Variants in GALNTL6 observed in about 807,000 individuals in gnomAD.
GALNTL6 encodes polypeptide N-acetylgalactosaminyltransferase-like 6.
Under a neutral mutation model 73.7 loss-of-function variants are expected in GALNTL6, and 46 were observed. That is an observed-to-expected ratio of 0.62 (90% CI 0.49 to 0.80). GALNTL6 has a LOEUF of 0.80. GALNTL6 is among the 30% of genes least tolerant of loss of function. GALNTL6 has a pLI of 0.00. For missense variants in GALNTL6, 604 were observed against 755.0 expected, an observed-to-expected ratio of 0.80 and a Z score of 2.34; for synonymous variants, 259 against 263.7, an observed-to-expected ratio of 0.98 and a Z score of 0.17.
intron 5 of GALNTL6, among the ~76,000 whole-genome samples, chr4:172,435,683 G>A: frequency 6.6e-6 from 1 of 152,110 alleles, no homozygotes; most frequent in Non-Finnish European, 1.5e-5. Flanking sequence ...CATAATTATT[G>A]TTTTCATTTT....
chr4:172,337,963 C>T (rs1488870882), intron 4 of GALNTL6, among the ~76,000 whole-genome samples: 3 of 151,640 alleles, frequency 2.0e-5, no homozygotes, highest in Non-Finnish European at 2.9e-5. Flanking sequence ...AGACTTAATT[C>T]ATTTTCTAAT....
chr4:172,582,760 AC>A, intron 5 of GALNTL6, among the ~76,000 whole-genome samples: 1 of 151,964 alleles, frequency 6.6e-6, no homozygotes, highest in South Asian at 2.1e-4. Context: ...ACACACACAC[AC>A]ACACACACAC....
At chr4:172,271,462 G>A (rs1238745100) in intron 3 of GALNTL6, among the ~76,000 whole-genome samples, 5 of 151,912 alleles carry the variant, frequency 3.3e-5, no homozygotes. Context: ...TATATAGTTT[G>A]ATCTTTGCCT....
At chr4:172,056,033 A>G (rs1312164437) in intron 2 of GALNTL6, among the ~76,000 whole-genome samples, 1 of 152,204 alleles carries the variant, frequency 6.6e-6, no homozygotes, top group Non-Finnish European at 1.5e-5. Flanking sequence ...TATTTGGGAA[A>G]CCAAATATTC....
intron 8 of GALNTL6, among the ~76,000 whole-genome samples, chr4:172,915,940 C>G (rs1747482635): frequency 6.6e-6 from 1 of 151,922 alleles, no homozygotes; most frequent in South Asian, 2.1e-4. Flanking sequence ...AGAGACACAA[C>G]AAAAAAAGAG....
intron 7 of GALNTL6, among the ~76,000 whole-genome samples, chr4:172,851,852 A>G (rs565363119): frequency 6.6e-6 from 1 of 152,104 alleles, no homozygotes; most frequent in Non-Finnish European, 1.5e-5. Flanking sequence ...AAGTAGCCCC[A>G]ATATTTAAGG....
intron 5 of GALNTL6, among the ~76,000 whole-genome samples, chr4:172,593,886 C>A (rs960096663): frequency 6.6e-6 from 1 of 152,104 alleles, no homozygotes; most frequent in Non-Finnish European, 1.5e-5. Flanking sequence ...TGTGCCACCA[C>A]ACCCAGCTAA....
At chr4:172,913,115 G>C (rs1043895287) in intron 8 of GALNTL6, among the ~76,000 whole-genome samples, 3 of 152,154 alleles carry the variant, frequency 2.0e-5, no homozygotes, top group African/African-American at 7.2e-5. Context: ...GTCTGGAGTG[G>C]ACCTCCAGCA....
At chr4:172,429,704 C>T (rs1731368697) in intron 5 of GALNTL6, among the ~76,000 whole-genome samples, 1 of 152,014 alleles carries the variant, frequency 6.6e-6, no homozygotes, top group Non-Finnish European at 1.5e-5. Flanking sequence ...TAGGCTTTCA[C>T]CTTAGTCTTA....
intron 2 of GALNTL6, among the ~76,000 whole-genome samples, chr4:171,884,912 C>G (rs1215981950): frequency 2.6e-5 from 4 of 151,886 alleles, no homozygotes; most frequent in Non-Finnish European, 5.9e-5. Context: ...AAAAAATTAG[C>G]TGAGTGTGGT....
chr4:172,048,051 A>G (rs868048880), intron 2 of GALNTL6, among the ~76,000 whole-genome samples: 2 of 152,130 alleles, frequency 1.3e-5, no homozygotes, highest in Non-Finnish European at 2.9e-5. Context: ...CAAAGACAGG[A>G]ACCTTGTTTA....
rs142141272 is a variant in GALNTL6 at position 172,970,219 on chromosome 4, G to C, written c.1371+17961G>C. 3.9e-3 allele frequency among the ~76,000 whole-genome samples: 596 copies of C among 152,232 alleles called. 3 individuals are homozygous for C. The highest frequency in any genetic ancestry group is 0.014 in the African/African-American group (569 of 41,534). The stretch of plus-strand genomic sequence containing the variant: ...GGGCAAAACTAGAATTACTGATGAG[G>C]GTCTATGTTCAGCTGTGCATGTATT... On this transcript the variant is annotated intron_variant, in intron 10 of 12. Coordinates refer to ENST00000506823, the MANE Select transcript of GALNTL6 (RefSeq NM_001034845.3).
At chr4:172,058,919 T>G (rs1051670380) in intron 2 of GALNTL6, among the ~76,000 whole-genome samples, 2 of 152,188 alleles carry the variant, frequency 1.3e-5, no homozygotes, top group South Asian at 4.1e-4. Flanking sequence ...TTTACTATTT[T>G]TACATCCCAG....
At chr4:172,237,883 G>T (rs111707947) in intron 3 of GALNTL6, among the ~76,000 whole-genome samples, 3 of 152,184 alleles carry the variant, frequency 2.0e-5, no homozygotes, top group African/African-American at 7.2e-5. Context: ...CTTTGTCAAA[G>T]ATCAGGTGGT....
intron 2 of GALNTL6, among the ~76,000 whole-genome samples, chr4:172,182,364 G>A (rs575118442): frequency 1.3e-5 from 2 of 152,184 alleles, no homozygotes; most frequent in Admixed American, 6.5e-5. Flanking sequence ...GAAACTATGA[G>A]GTACAGAACA....
intron 12 of GALNTL6, among the ~76,000 whole-genome samples, chr4:173,035,610 A>G (rs527965120): frequency 1.3e-5 from 2 of 152,338 alleles, no homozygotes; most frequent in South Asian, 4.1e-4. Flanking sequence ...ATATTTGTCA[A>G]ACTCAACTGA....
At chr4:171,995,291 T>A (rs1740453770) in intron 2 of GALNTL6, among the ~76,000 whole-genome samples, 1 of 152,092 alleles carries the variant, frequency 6.6e-6, no homozygotes, top group South Asian at 2.1e-4. Flanking sequence ...GGATGAAAAC[T>A]TTACATTTTA....
At chr4:172,426,353 TA>T (rs1208268531) in intron 5 of GALNTL6, among the ~76,000 whole-genome samples, 2 of 152,172 alleles carry the variant, frequency 1.3e-5, no homozygotes, top group Non-Finnish European at 2.9e-5. Context: ...AGAGTTTTTT[TA>T]ATAACAATAA....
At chr4:172,091,234 A>G (rs72988347) in intron 2 of GALNTL6, among the ~76,000 whole-genome samples, 5,052 of 152,256 alleles carry the variant, frequency 0.033, 268 homozygotes, top group African/African-American at 0.11. Context: ...TACATCTTAC[A>G]AGACTGGTGA....
Sources: gnomAD v4.1 joint callset for allele counts (sites outside exome capture counted in the v4.1 genomes callset) on GRCh38, gnomAD v4.1.1 for gene constraint, MANE v1.5 for transcripts, NCBI Gene and HGNC (gene_info 2026-07-23, HGNC 2026-07-21) for gene names.